Variants in OSBP2 observed in about 807,000 individuals in gnomAD.
The protein encoded by OSBP2 is oxysterol binding protein 2.
In OSBP2, 66 loss-of-function variants were observed where a neutral mutation model predicts 96.0. That is an observed-to-expected ratio of 0.69 (90% CI 0.56 to 0.84). OSBP2 has a LOEUF of 0.84. Ranked by LOEUF, OSBP2 falls within the 40% of genes least tolerant of loss-of-function variation. The probability of loss-of-function intolerance (pLI) is 0.00; values close to 1 mark genes in which losing one functional copy is unlikely to be tolerated. For missense variants in OSBP2, 1,038 were observed against 1,222.7 expected, an observed-to-expected ratio of 0.85 and a Z score of 2.25; for synonymous variants, 525 against 520.9, an observed-to-expected ratio of 1.01 and a Z score of -0.11.
intron 1 of OSBP2, among the ~76,000 whole-genome samples, chr22:30,727,558 C>A (rs2089670981): frequency 6.6e-6 from 1 of 152,098 alleles, no homozygotes; most frequent in South Asian, 2.1e-4. Context: ...CACAGAACCA[C>A]CCCAGAGAGG....
At chr22:30,852,409 G>C (rs2038994236) in intron 2 of OSBP2, among the ~76,000 whole-genome samples, 1 of 151,920 alleles carries the variant, frequency 6.6e-6, no homozygotes, top group Non-Finnish European at 1.5e-5. Flanking sequence ...TTTAATCAAA[G>C]GTGTTGAATT....
intron 3 of OSBP2, among the ~76,000 whole-genome samples, chr22:30,882,384 G>A (rs2039720690): frequency 6.6e-6 from 1 of 152,164 alleles, no homozygotes; most frequent in East Asian, 1.9e-4. Context: ...TCCATACCCT[G>A]GGGGACATGC....
chr22:30,702,330 T>C (rs944171971), intron 1 of OSBP2, among the ~76,000 whole-genome samples: 6 of 152,042 alleles, frequency 3.9e-5, no homozygotes, highest in African/African-American at 1.4e-4. Flanking sequence ...TAGTACCTTC[T>C]CTGCTGGGCG....
chr22:30,861,387 C>T (rs1373378871), intron 2 of OSBP2, among the ~76,000 whole-genome samples: 1 of 152,122 alleles, frequency 6.6e-6, no homozygotes. Context: ...GTCAGAGAGC[C>T]CAGATGTGGT....
chr22:30,838,376 T>C (rs1478942813), intron 2 of OSBP2, among the ~76,000 whole-genome samples: 1 of 152,218 alleles, frequency 6.6e-6, no homozygotes, highest in Non-Finnish European at 1.5e-5. Context: ...ATCTATGAAA[T>C]AATTGGAAAA....
intron 2 of OSBP2, among the ~76,000 whole-genome samples, chr22:30,838,496 G>C (rs1175598088): frequency 6.6e-6 from 1 of 152,172 alleles, no homozygotes; most frequent in Non-Finnish European, 1.5e-5. Context: ...GGAACCTCCA[G>C]TACAATGTTA....
intron 2 of OSBP2, among the ~76,000 whole-genome samples, chr22:30,832,597 T>G (rs738372): frequency 6.6e-6 from 1 of 152,182 alleles, no homozygotes; most frequent in Middle Eastern, 3.4e-3. Context: ...GCAGGTAATT[T>G]AAGTGGCTGC....
In OSBP2 at chr22:30,890,897, C is replaced by CCTT; in HGVS notation, c.1795_1797dup (p.Phe599dup). On this transcript the variant is annotated inframe_insertion, in exon 8 of 14. Transcript: ENST00000332585. This position sits in a 1 kb window ranked among gnomAD's most constrained non-coding sequence, Gnocchi z 4.4. ...ACCACAGTGCACCGCATCGCCAAGC[C>CCTT]CTTCAACCCCATGCTGGGGGAGACC... 2 of 1,613,518 alleles carry CCTT rather than the reference C, an allele frequency of 1.2e-6. No homozygotes were observed. The highest frequency in any genetic ancestry group is 1.7e-6 in the Non-Finnish European group (2 of 1,180,024).
chr22:30,756,224 GTTC>G (rs1272686675), intron 2 of OSBP2, among the ~76,000 whole-genome samples: 3 of 152,138 alleles, frequency 2.0e-5, no homozygotes, highest in Non-Finnish European at 2.9e-5. Context: ...GCTGGGGTGA[GTTC>G]TTCCTCTCTC....
intron 1 of OSBP2, among the ~76,000 whole-genome samples, chr22:30,738,384 A>G (rs1390380441): frequency 6.6e-6 from 1 of 152,044 alleles, no homozygotes; most frequent in Non-Finnish European, 1.5e-5. Flanking sequence ...TCAGGCTCCC[A>G]ACAGGCATGC....
At chr22:30,892,872 C>CCCCTATTTCACAG (rs1418911517) in intron 8 of OSBP2, among the ~76,000 whole-genome samples, 1 of 152,306 alleles carries the variant, frequency 6.6e-6, no homozygotes, top group East Asian at 1.9e-4. Flanking sequence ...TCCACCATCA[C>CCCCTATTTCACAG]CCCTATTTCA....
In OSBP2 at chr22:30,870,683, G is replaced by A. The variant is rs1847991102; in HGVS notation, c.1107+1G>A. 3 of 1,611,450 alleles carry A rather than the reference G, an allele frequency of 1.9e-6. No individual in the cohort carries two copies. Among genetic ancestry groups the A allele is most frequent in the Non-Finnish European group, 1.7e-6 (2 of 1,178,352 alleles). On this transcript the variant is annotated splice_donor_variant, in intron 3 of 13. Transcript: ENST00000332585. LOFTEE classifies it high-confidence loss of function. The surrounding 1 kb of genome is among the most constrained non-coding windows in gnomAD (Gnocchi z 4.1). The stretch of plus-strand genomic sequence containing the variant: ...CATCACATCCAATGCTATGATCAAC[G>A]TGAGTACCCACCCCCACCGCCCTGG...
chr22:30,734,823 G>A (rs2089826463), intron 1 of OSBP2, among the ~76,000 whole-genome samples: 1 of 152,204 alleles, frequency 6.6e-6, no homozygotes, highest in Non-Finnish European at 1.5e-5. Flanking sequence ...TTTAAGGGTT[G>A]TTAGCCCCCA....
rs114913842 is a variant in OSBP2, at chr22:30,722,020, G to A, written c.645-19141G>A. Among the ~76,000 whole-genome samples the A allele has an allele frequency of 7.3e-3, 1,109 of 152,256 alleles. 15 individuals are homozygous for A. Among genetic ancestry groups the A allele is most frequent in the African/African-American group, 0.024 (978 of 41,550 alleles). On this transcript the variant is annotated intron_variant, in intron 1 of 13. Transcript: ENST00000332585. ...GTGTGATGATTTAAAAAACAAATCTGCTCAAGTATCCTGAATTCTGTGGAG... is the reference window on the plus strand; with the variant it reads ...GTGTGATGATTTAAAAAACAAATCTACTCAAGTATCCTGAATTCTGTGGAG...
intron 2 of OSBP2, among the ~76,000 whole-genome samples, chr22:30,788,644 G>A (rs2090630251): frequency 6.6e-6 from 1 of 152,148 alleles, no homozygotes; most frequent in Non-Finnish European, 1.5e-5. Flanking sequence ...TAATGCCAAG[G>A]ACTGTGTTAA....
intron 2 of OSBP2, among the ~76,000 whole-genome samples, chr22:30,778,113 A>G (rs772281037): frequency 3.1e-4 from 46 of 147,478 alleles, no homozygotes; most frequent in Non-Finnish European, 4.9e-4. Flanking sequence ...TTGTGCCTCA[A>G]CCTCCCAAGT....
At chr22:30,743,914 G>T (rs1043278369) in intron 2 of OSBP2, among the ~76,000 whole-genome samples, 6 of 152,114 alleles carry the variant, frequency 3.9e-5, no homozygotes, top group Admixed American at 2.0e-4. Flanking sequence ...TCATCTAGGG[G>T]AGAAGGGGAC....
At chr22:30,799,112 C>CCTTT (rs1488272309) in intron 2 of OSBP2, among the ~76,000 whole-genome samples, 1 of 135,410 alleles carries the variant, frequency 7.4e-6, no homozygotes, top group Non-Finnish European at 1.6e-5. Flanking sequence ...TTCCTTCCTT[C>CCTTT]CTTTCTTTCT....
chr22:30,895,808 C>T (rs1213462129), intron 12 of OSBP2, among the ~76,000 whole-genome samples: 1 of 151,536 alleles, frequency 6.6e-6, no homozygotes, highest in East Asian at 2.0e-4. Context: ...CATGGTGGCA[C>T]GCACCTGTAA....
Sources: gnomAD v4.1 joint callset for allele counts (sites outside exome capture counted in the v4.1 genomes callset) on GRCh38, gnomAD v4.1.1 for gene constraint, Gnocchi (gnomAD v3.1) non-coding constraint, MANE v1.5 for transcripts, NCBI Gene and HGNC (gene_info 2026-07-23, HGNC 2026-07-21) for gene names.